Variants in XRCC6 observed in about 807,000 individuals in gnomAD.
XRCC6 encodes DNA repair protein Ku70.
A neutral mutation model predicts 65.7 loss-of-function variants in XRCC6; 5 were observed. The observed-to-expected ratio is 0.08, with a 90% confidence interval of 0.04 to 0.16. The LOEUF is 0.16. XRCC6 is among the 10% of genes least tolerant of loss of function. The probability of loss-of-function intolerance (pLI) is 1.00; values close to 1 mark genes in which losing one functional copy is unlikely to be tolerated. For missense variants in XRCC6, 447 were observed against 738.1 expected, an observed-to-expected ratio of 0.61 and a Z score of 4.57; for synonymous variants, 270 against 270.6, an observed-to-expected ratio of 1.00 and a Z score of 0.02.
At chr22:41,642,411 C>T (rs1285480698) in intron 6 of XRCC6, among the ~76,000 whole-genome samples, 1 of 152,116 alleles carries the variant, frequency 6.6e-6, no homozygotes, top group South Asian at 2.1e-4. Flanking sequence ...TTTCTCTTCT[C>T]TTTGTCGATC....
Position 41,636,790 on chromosome 22 carries a change from C to G in XRCC6, c.589+20C>G. On this transcript the variant is annotated intron_variant, in intron 5 of 12. Coordinates refer to ENST00000360079, the MANE Select transcript of XRCC6 (RefSeq NM_001469.5). ...ATACAGGTGGGCATATTTCCCCGTT[C>G]TCTTAAATTGGCACTTAATTATTGT... is the stretch of plus-strand genomic sequence containing the variant. 6.2e-7 allele frequency: 1 copy of G among 1,603,192 alleles called. No homozygotes were observed. Among genetic ancestry groups the G allele is most frequent in the Non-Finnish European group, 8.5e-7 (1 of 1,176,666 alleles).
chr22:41,663,454 A>T (rs1461870903), intron 12 of XRCC6, among the ~76,000 whole-genome samples, 168 bp from the exon 13 acceptor site: 2 of 152,134 alleles, frequency 1.3e-5, no homozygotes, highest in African/African-American at 4.8e-5. Context: ...TTTGCACTTT[A>T]AATGAAGCTA....
intron 3 of XRCC6, among the ~76,000 whole-genome samples, chr22:41,633,868 G>A (rs974542604): frequency 3.9e-5 from 6 of 152,106 alleles, no homozygotes; most frequent in Middle Eastern, 3.2e-3. Flanking sequence ...TTTGATAACC[G>A]ATAATAAGTA....
At chr22:41,635,943 T>C (rs530920028) in intron 3 of XRCC6, among the ~76,000 whole-genome samples, 170 bp from the exon 4 acceptor site, 2 of 152,318 alleles carry the variant, frequency 1.3e-5, no homozygotes, top group Non-Finnish European at 2.9e-5. Context: ...AAATTTGATA[T>C]TTATGCCCAT....
chr22:41,650,598 C>A, intron 7 of XRCC6, 125 bp from the exon 8 acceptor site: 1 of 944,682 alleles, frequency 1.1e-6, no homozygotes, highest in Non-Finnish European at 1.6e-6. Flanking sequence ...GAGGATGCCC[C>A]AGGTGAGCCA....
At chr22:41,661,255 CAG>C (rs1489719166) in intron 11 of XRCC6, 74 bp from the exon 12 acceptor site, 19 of 1,291,726 alleles carry the variant, frequency 1.5e-5, no homozygotes, top group Non-Finnish European at 2.0e-5. Flanking sequence ...TTCTGGTTCT[CAG>C]AGAGTTCTGG....
At chr22:41,639,329 C>CTTTTTTTTTTTTTTTTTTTTTTTTTTTTT in intron 6 of XRCC6, among the ~76,000 whole-genome samples, 1 of 64,560 alleles carries the variant, frequency 1.5e-5, no homozygotes, top group African/African-American at 6.1e-5. Flanking sequence ...GATTCTTTTT[C>CTTTTTTTTTTTTTTTTTTTTTTTTTTTTT]TTTTTTTTTT....
At chr22:41,624,299 A>G (rs1040455394) in intron 2 of XRCC6, among the ~76,000 whole-genome samples, 6 of 151,950 alleles carry the variant, frequency 3.9e-5, no homozygotes, top group African/African-American at 1.5e-4. Context: ...GAGGCACGAG[A>G]ATTGCTTGAA....
intron 9 of XRCC6, 70 bp downstream of exon 9, chr22:41,653,760 A>G: frequency 6.5e-7 from 1 of 1,526,868 alleles, no homozygotes; most frequent in Admixed American, 1.9e-5. Context: ...TGGACTCCTA[A>G]TGCAGACCTA....
chr22:41,661,469 G>C (rs755811216), intron 12 of XRCC6, 25 bp downstream of exon 12: 1 of 1,598,814 alleles, frequency 6.3e-7, no homozygotes, highest in South Asian at 1.1e-5. Flanking sequence ...GTGGACATGT[G>C]GGCTATTTTT....
At position 41,628,152 on chromosome 22, in the gene XRCC6, T is replaced by A. The variant is rs1309062456; in HGVS notation, c.117T>A (p.Ile39=). The part of the protein sequence containing the change: ...DYKYSGRDSL[I]FLVDASKAMF... ...AATATTCAGGAAGAGATAGTTTGAT[T>A]TTTTTGGTTGATGCCTCCAAGGCTA... The change falls in exon 3 of 13, where the codon ATT becomes ATA. Residue 39 remains isoleucine (I), a synonymous_variant. Coordinates refer to ENST00000360079, the MANE Select transcript of XRCC6 (RefSeq NM_001469.5). The A allele has an allele frequency of 6.2e-7, 1 of 1,613,776 alleles. No individual in the cohort carries two copies. The highest frequency in any genetic ancestry group is 8.5e-7 in the Non-Finnish European group (1 of 1,179,926).
intron 12 of XRCC6, among the ~76,000 whole-genome samples, chr22:41,662,427 A>G (rs1290996245): frequency 6.6e-6 from 1 of 152,188 alleles, no homozygotes; most frequent in Admixed American, 6.5e-5. Context: ...ATACCAACAT[A>G]CATATTTCAG....
Position 41,663,812 on chromosome 22 carries a change from C to G in XRCC6, c.1827C>G (p.Asp609Glu). 1 of 1,612,232 alleles carries G rather than the reference C, an allele frequency of 6.2e-7. No individual in the cohort carries two copies. The highest frequency in any genetic ancestry group is 8.5e-7 in the Non-Finnish European group (1 of 1,179,084). The change falls in exon 13 of 13, where the codon GAC becomes GAG. Residue 609 changes from aspartate to glutamate, a missense_variant. Asp to Glu is a conservative substitution (Grantham distance 45). Transcript: ENST00000360079. ...LLEALTKHFQ[D>E] Reference sequence around the variant, plus strand: ...AAGCCCTCACCAAGCACTTCCAGGACTGACCAGAGGCCGCGCGTCCAGCTG... The same window carrying G: ...AAGCCCTCACCAAGCACTTCCAGGAGTGACCAGAGGCCGCGCGTCCAGCTG...
At chr22:41,654,610 C>T (rs1277623149) in intron 9 of XRCC6, among the ~76,000 whole-genome samples, 3 of 152,202 alleles carry the variant, frequency 2.0e-5, no homozygotes, top group African/African-American at 7.2e-5. Context: ...TTTAGTCCTT[C>T]CAGAACCAGC....
At chr22:41,651,033 C>A in intron 8 of XRCC6, 142 bp downstream of exon 8, 1 of 1,139,066 alleles carries the variant, frequency 8.8e-7, no homozygotes, top group Non-Finnish European at 1.2e-6. Flanking sequence ...CTGCCTGGTG[C>A]AGTGGCTCAC....
Position 41,650,723 on chromosome 22 carries a change from A to G in XRCC6, c.961A>G (p.Ile321Val). The G allele has an allele frequency of 6.2e-7, 1 of 1,612,702 alleles. No homozygotes were observed. Among genetic ancestry groups the G allele is most frequent in the Non-Finnish European group, 8.5e-7 (1 of 1,179,506 alleles). Residue 321 changes from isoleucine to valine, a missense_variant and splice_region_variant, in exon 8 of 13, where the codon ATC becomes GTC. Ile to Val is a conservative substitution (Grantham distance 29). Around this residue, in one of 4 missense-constraint regions of XRCC6, gnomAD observed 201 missense variants for 374.1 expected, o/e 0.54. Transcript: ENST00000360079. ...LLPSDTKRSQ[I>V]YGSRQIILEK... The stretch of plus-strand genomic sequence containing the variant: ...GATCCTTGTCGTTCTTCTCCTTCAG[A>G]TCTATGGGAGTCGTCAGATTATACT...
In XRCC6 at chr22:41,622,037, G is replaced by A; in HGVS notation, c.33G>A (p.Glu11=). The A allele has an allele frequency of 6.2e-7, 1 of 1,614,212 alleles. No homozygotes were observed. The highest frequency in any genetic ancestry group is 8.5e-7 in the Non-Finnish European group (1 of 1,180,048). ...GGTGGGAGTCATATTACAAAACCGA[G>A]GGCGATGAAGAAGCAGAGGAAGAAC... is the stretch of plus-strand genomic sequence containing the variant. MSGWESYYKT[E]GDEEAEEEQE... Residue 11 remains glutamate, a synonymous_variant, in exon 2 of 13, where the codon GAG becomes GAA. Transcript: ENST00000360079.
At chr22:41,647,206 C>A in intron 7 of XRCC6, 124 bp downstream of exon 7, 1 of 964,430 alleles carries the variant, frequency 1.0e-6, no homozygotes, top group Non-Finnish European at 1.5e-6. Context: ...TCAAGCGATC[C>A]TTCTGTCTCA....
At chr22:41,643,200 G>A (rs1225307340) in intron 6 of XRCC6, among the ~76,000 whole-genome samples, 48 of 151,512 alleles carry the variant, frequency 3.2e-4, no homozygotes, top group Admixed American at 3.2e-3. Flanking sequence ...CATGAGGTCA[G>A]GAGTTCGAGA....
Sources: gnomAD v4.1 joint callset for allele counts (sites outside exome capture counted in the v4.1 genomes callset) on GRCh38, gnomAD v4.1.1 for gene constraint, gnomAD v4.1.1 regional missense constraint, MANE v1.5 for transcripts, NCBI Gene and HGNC (gene_info 2026-07-23, HGNC 2026-07-21) for gene names.